The following DISP1 variants were observed in gnomAD, a reference collection of about 807,000 sequenced individuals.
DISP1 encodes dispatched RND transporter family member 1, also known as protein dispatched homolog 1.
In DISP1, 30 loss-of-function variants were observed where a neutral mutation model predicts 37.3. The ratio of observed to expected loss-of-function variants is 0.80; its 90% CI spans 0.60 to 1.09. The LOEUF is 1.09. Among genes scored for constraint, DISP1 ranks in the 50% least tolerant of loss-of-function variants. The pLI is 0.00. For missense variants in DISP1, 1,598 were observed against 1,879.5 expected (o/e 0.85, Z 2.77); for synonymous variants, 634 against 690.2 (o/e 0.92, Z 1.28).
At chr1:222,888,313 A>G (rs1670748816) in intron 1 of DISP1, among the ~76,000 whole-genome samples, 1 of 152,200 alleles carries the variant, frequency 6.6e-6, no homozygotes, top group African/African-American at 2.4e-5. Flanking sequence ...CTGGCTACTT[A>G]CTGCATGCAT....
In DISP1 at chr1:222,833,135, G is replaced by A. The variant is rs546755599; in HGVS notation, c.-159+18057G>A. Among the ~76,000 whole-genome samples, 9 of 152,092 alleles carry A rather than the reference G, an allele frequency of 5.9e-5. No individual in the cohort carries two copies. In the South Asian group the frequency reaches 1.9e-3, roughly 32 times the overall value. On this transcript the variant is annotated intron_variant, in intron 1 of 8. Transcript: ENST00000675850. ...TGCTGCTGATGTTTAAATCAGAAAAGGTTAGAAACGCATACTGAGTAGGCA... is the reference window on the plus strand; with the variant it reads ...TGCTGCTGATGTTTAAATCAGAAAAAGTTAGAAACGCATACTGAGTAGGCA...
intron 1 of DISP1, among the ~76,000 whole-genome samples, chr1:222,870,166 C>T (rs1285586137): frequency 2.6e-5 from 4 of 152,196 alleles, no homozygotes; most frequent in African/African-American, 2.4e-5. Context: ...ATATGTGCCA[C>T]ATTTTCTTAA....
chr1:222,840,753 G>T (rs1667561160), intron 1 of DISP1, among the ~76,000 whole-genome samples: 1 of 151,626 alleles, frequency 6.6e-6, no homozygotes, highest in South Asian at 2.1e-4. Context: ...TAGTAGAGAT[G>T]GGGTTTCACA....
chr1:222,906,856 G>A (rs891343641), intron 1 of DISP1, among the ~76,000 whole-genome samples: 2 of 152,008 alleles, frequency 1.3e-5, no homozygotes, highest in African/African-American at 4.8e-5. Flanking sequence ...TTGTGGATTC[G>A]CCTCTAATTC....
chr1:222,937,382 G>A (rs532744010), intron 2 of DISP1, among the ~76,000 whole-genome samples: 2 of 151,158 alleles, frequency 1.3e-5, no homozygotes, highest in East Asian at 1.9e-4. Flanking sequence ...GAGCCACTGC[G>A]CCCTGCCCCT....
intron 1 of DISP1, among the ~76,000 whole-genome samples, chr1:222,882,616 G>T (rs1007576833): frequency 3.3e-5 from 5 of 152,054 alleles, no homozygotes; most frequent in African/African-American, 9.7e-5. Context: ...TTCTCTGTAT[G>T]TTTCCTTTGT....
intron 3 of DISP1, among the ~76,000 whole-genome samples, chr1:222,982,838 A>C (rs1411500612): frequency 2.0e-5 from 3 of 152,062 alleles, no homozygotes; most frequent in Non-Finnish European, 4.4e-5. Context: ...GGTGATACGG[A>C]GTCTGGGAAG....
At chr1:222,922,105 G>A (rs1397795801) in intron 1 of DISP1, among the ~76,000 whole-genome samples, 1 of 152,138 alleles carries the variant, frequency 6.6e-6, no homozygotes, top group Non-Finnish European at 1.5e-5. Context: ...AGGGTGTGAG[G>A]GTGTGTGTGA....
chr1:222,987,550 G>A (rs1210431882), intron 4 of DISP1, among the ~76,000 whole-genome samples: 1 of 152,178 alleles, frequency 6.6e-6, no homozygotes, highest in African/African-American at 2.4e-5. Context: ...ATGGTGTGTA[G>A]CAGTGCTGTA....
chr1:222,900,580 A>G lies in DISP1; in HGVS notation c.-158-27850A>G, dbSNP rs537220817. On this transcript the variant is annotated intron_variant, in intron 1 of 8. Coordinates refer to ENST00000675850, the MANE Select transcript of DISP1 (RefSeq NM_001377229.1). ...AAGTAATGATCCTCAACAAATTTGT[A>G]AACTATATACTTGGATAATCTGAAA... 2.0e-5 allele frequency among the ~76,000 whole-genome samples: 3 copies of G among 152,316 alleles called. No individual in the cohort carries two copies. The East Asian group carries it at 5.8e-4, about 29-fold the overall frequency.
chr1:222,903,143 C>T (rs1479263328), intron 1 of DISP1, among the ~76,000 whole-genome samples: 1 of 151,668 alleles, frequency 6.6e-6, no homozygotes, highest in South Asian at 2.1e-4. Flanking sequence ...GAGTTCATGT[C>T]CTTTATAGGG....
intron 8 of DISP1, among the ~76,000 whole-genome samples, chr1:222,995,535 A>C (rs938528177): frequency 6.6e-6 from 1 of 152,180 alleles, no homozygotes; most frequent in African/African-American, 2.4e-5. Context: ...TGAATGCTAA[A>C]CACCTTGCTG....
chr1:222,922,368 G>A (rs1235018045), intron 1 of DISP1, among the ~76,000 whole-genome samples: 1 of 152,142 alleles, frequency 6.6e-6, no homozygotes, highest in African/African-American at 2.4e-5. Flanking sequence ...TTAGGCTGTT[G>A]TAGTAATTCA....
Position 222,860,525 on chromosome 1 carries a change from G to T in DISP1, c.-159+45447G>T, listed in dbSNP as rs1321745045. Among the ~76,000 whole-genome samples the T allele has an allele frequency of 2.6e-5, 4 of 152,114 alleles. 1 individual carries two copies. In the South Asian group the frequency reaches 8.3e-4, roughly 31 times the overall value. ...ATCATCTATAGTAGAAAGCCAATACGTAATGCCTGAGATATTAAATTTTAA... is the reference window on the plus strand; with the variant it reads ...ATCATCTATAGTAGAAAGCCAATACTTAATGCCTGAGATATTAAATTTTAA... On this transcript the variant is annotated intron_variant, in intron 1 of 8. Transcript: ENST00000675850.
chr1:222,913,031 A>G (rs572854494), intron 1 of DISP1, among the ~76,000 whole-genome samples: 1 of 152,330 alleles, frequency 6.6e-6, no homozygotes, highest in South Asian at 2.1e-4. Context: ...TAAAATGAAA[A>G]CAAAAACAAG....
At chr1:222,902,532 A>G (rs1391271336) in intron 1 of DISP1, among the ~76,000 whole-genome samples, 3 of 152,176 alleles carry the variant, frequency 2.0e-5, no homozygotes, top group Admixed American at 1.3e-4. Flanking sequence ...ACAAAATGGG[A>G]GAAAATTTTC....
At chr1:222,883,180 T>C (rs1670374974) in intron 1 of DISP1, among the ~76,000 whole-genome samples, 1 of 152,156 alleles carries the variant, frequency 6.6e-6, no homozygotes, top group Non-Finnish European at 1.5e-5. Context: ...CATAAAAGTG[T>C]TCATACGCTT....
intron 1 of DISP1, among the ~76,000 whole-genome samples, chr1:222,925,722 C>G (rs901147484): frequency 6.6e-6 from 1 of 152,008 alleles, no homozygotes; most frequent in Admixed American, 6.6e-5. Context: ...CCCAGAACAG[C>G]AGCAGCAGCA....
chr1:222,923,317 G>A (rs1488204730), intron 1 of DISP1, among the ~76,000 whole-genome samples: 1 of 152,236 alleles, frequency 6.6e-6, no homozygotes, highest in Middle Eastern at 3.4e-3. Flanking sequence ...TTCAGAAGCC[G>A]TGAACTGCAT....
Sources: gnomAD v4.1 joint callset for allele counts (sites outside exome capture counted in the v4.1 genomes callset) on GRCh38, gnomAD v4.1.1 for gene constraint, MANE v1.5 for transcripts, NCBI Gene and HGNC (gene_info 2026-07-23, HGNC 2026-07-21) for gene names.